Variants in SUN5 observed in about 807,000 individuals in gnomAD.
The protein encoded by SUN5 is Sad1 and UNC84 domain containing 5.
Under a neutral mutation model 53.7 loss-of-function variants are expected in SUN5, and 44 were observed. The ratio of observed to expected loss-of-function variants is 0.82; its 90% confidence interval spans 0.64 to 1.05. The LOEUF is 1.05. Among genes scored for constraint, SUN5 ranks in the 50% least tolerant of loss-of-function variants. SUN5 has a pLI of 0.00. For synonymous variants in SUN5, 166 were observed against 179.8 expected (o/e 0.92, Z 0.62); for missense variants, 433 against 483.8 (o/e 0.90, Z 0.98).
intron 9 of SUN5, among the ~76,000 whole-genome samples, chr20:32,988,792 T>C (rs1338685088): frequency 2.0e-5 from 3 of 151,990 alleles, no homozygotes; most frequent in African/African-American, 7.3e-5. Context: ...TTTTACCATG[T>C]TGGCCAGGCT....
Position 32,999,894 on chromosome 20 carries a change from C to T in SUN5, c.340+180G>A, listed in dbSNP as rs902993103. 14 of 1,544,396 alleles carry T rather than the reference C, an allele frequency of 9.1e-6. No homozygotes were observed. The African/African-American group carries it at 1.8e-4, about 20-fold the overall frequency. On this transcript the variant is annotated intron_variant, in intron 5 of 12. Coordinates refer to ENST00000356173, the MANE Select transcript of SUN5 (RefSeq NM_080675.4). The stretch of plus-strand genomic sequence containing the variant: ...GAGCTTTATAACTTCTGAAGCATTT[C>T]TTGGCTTCTACAATATTTTCATGGT...
At chr20:32,996,572 ACCT>A (rs2146334052) in intron 6 of SUN5, among the ~76,000 whole-genome samples, 1 of 151,604 alleles carries the variant, frequency 6.6e-6, no homozygotes, top group South Asian at 2.1e-4. Context: ...ATCCATCCAC[ACCT>A]TCATCCATCC....
intron 9 of SUN5, among the ~76,000 whole-genome samples, chr20:32,988,841 G>A (rs767823209): frequency 4.6e-5 from 7 of 152,052 alleles, no homozygotes; most frequent in East Asian, 3.9e-4. Flanking sequence ...CGCCTTCCTC[G>A]GCCTCCCAAA....
chr20:32,989,637 A>G lies in SUN5; in HGVS notation c.596T>C (p.Phe199Ser). 1 of 1,614,006 alleles carries G rather than the reference A, an allele frequency of 6.2e-7. No homozygotes were observed. The highest frequency in any genetic ancestry group is 8.5e-7 in the Non-Finnish European group (1 of 1,179,990). The change falls in exon 9 of 13, where the codon TTT becomes TCT. Residue 199 changes from phenylalanine to serine, a missense_variant. Phe to Ser is a radical substitution (Grantham distance 155). Transcript: ENST00000356173. Reference sequence around the variant, plus strand: ...TCACCTACCTATAGACTTCAGGGCAAAGTCTGGCTTTTCGATGTAATCTCC... The same window carrying G: ...TCACCTACCTATAGACTTCAGGGCAGAGTCTGGCTTTTCGATGTAATCTCC... ...IHGDYIEKPD[F>S]ALKSIGASID... is the part of the protein sequence containing the mutation.
At chr20:33,002,691 T>G (rs1990083287) in intron 2 of SUN5, 30 bp from the exon 3 acceptor site, 1 of 1,613,488 alleles carries the variant, frequency 6.2e-7, no homozygotes, top group Admixed American at 1.7e-5. Flanking sequence ...GTCATGTCAC[T>G]GCCAGCCTCT....
intron 9 of SUN5, among the ~76,000 whole-genome samples, chr20:32,989,172 G>T (rs112048600): frequency 2.0e-5 from 3 of 150,984 alleles, no homozygotes; most frequent in Non-Finnish European, 4.4e-5. Flanking sequence ...TGATCTGCCC[G>T]CCTTGGCCTC....
rs73907321 is a variant in SUN5, at chr20:32,983,980, A to G, written c.985-31T>C. 1.5e-3 allele frequency: 2,312 copies of G among 1,510,728 alleles called. 18 individuals carry two copies. The African/African-American group carries it at 0.021, about 14-fold the overall frequency. 93.6% of individuals were successfully genotyped at this position (1,510,728 alleles called of 1,614,324 possible). ...AGAGAATCAGTCACAGAGGCAGCTC[A>G]CCCATAGACTCCCACCCTGCCTTTC... On this transcript the variant is annotated intron_variant, in intron 12 of 12. Coordinates refer to ENST00000356173, the MANE Select transcript of SUN5 (RefSeq NM_080675.4).
chr20:32,990,990 G>T (rs1222515248), intron 8 of SUN5, among the ~76,000 whole-genome samples: 2 of 152,228 alleles, frequency 1.3e-5, no homozygotes, highest in African/African-American at 4.8e-5. Context: ...CAAACTGGAG[G>T]CTCAGAGAGG....
At chr20:32,993,406 C>T (rs1046585563) in intron 8 of SUN5, among the ~76,000 whole-genome samples, 2 of 152,188 alleles carry the variant, frequency 1.3e-5, no homozygotes, top group African/African-American at 2.4e-5. Context: ...GGCTAAGGAT[C>T]TGGGCTTAGG....
At chr20:32,991,057 C>T (rs1436835966) in intron 8 of SUN5, among the ~76,000 whole-genome samples, 1 of 152,166 alleles carries the variant, frequency 6.6e-6, no homozygotes. Flanking sequence ...CCCAACTCCT[C>T]CCCTCGTTTA....
At position 32,985,813 on chromosome 20, in the gene SUN5, G is replaced by A. The variant is rs1210556782; in HGVS notation, c.820C>T (p.Leu274Phe). The change falls in exon 11 of 13, where the codon CTC (leucine) becomes TTC (phenylalanine). Residue 274 changes from leucine (L) to phenylalanine (F), a missense_variant. Transcript: ENST00000356173. ...QLAQKVYLSN[L>F]TLQHIPKTIS... is the part of the protein sequence containing the mutation. The stretch of plus-strand genomic sequence containing the variant: ...GTCTTGGGGATGTGCTGCAGCGTGA[G>A]GTTGGACAGGTAAACCTTCTGAGCC... The A allele has an allele frequency of 1.2e-6, 2 of 1,614,170 alleles. No individual in the cohort carries two copies. Among genetic ancestry groups the A allele is most frequent in the Admixed American group, 1.7e-5 (1 of 60,020 alleles).
At chr20:32,993,004 C>T (rs922369553) in intron 8 of SUN5, among the ~76,000 whole-genome samples, 1 of 152,162 alleles carries the variant, frequency 6.6e-6, no homozygotes. Context: ...CATGAACACA[C>T]TCATACCTCA....
chr20:32,987,551 G>GGC, intron 10 of SUN5, 109 bp downstream of exon 10: 2 of 370,358 alleles, frequency 5.4e-6, no homozygotes, highest in Non-Finnish European at 7.7e-6. Flanking sequence ...CCCCGCCCCT[G>GGC]CCCCCACTCC....
At chr20:32,984,653 G>A (rs1989485184) in intron 12 of SUN5, among the ~76,000 whole-genome samples, 2 of 152,220 alleles carry the variant, frequency 1.3e-5, no homozygotes, top group Admixed American at 1.3e-4. Context: ...CAAGCCCCAG[G>A]GCCATTCCAG....
intron 3 of SUN5, among the ~76,000 whole-genome samples, chr20:33,002,306 G>A (rs1473254488): frequency 6.6e-6 from 1 of 152,122 alleles, no homozygotes; most frequent in African/African-American, 2.4e-5. Context: ...ACAGGTGGAT[G>A]GATGGGTGAA....
chr20:33,004,230 AG>A, intron 1 of SUN5, 33 bp downstream of exon 1: 1 of 1,528,596 alleles, frequency 6.5e-7, no homozygotes, highest in Non-Finnish European at 8.8e-7. Context: ...TAAACTGTAA[AG>A]GGCTGGGCAA....
intron 11 of SUN5, 107 bp downstream of exon 11, chr20:32,985,629 T>A: frequency 7.1e-7 from 1 of 1,402,140 alleles, no homozygotes; most frequent in Non-Finnish European, 9.7e-7. Flanking sequence ...ATTCAGCCCC[T>A]CCAGCCTGCA....
At chr20:32,992,421 A>G (rs552891310) in intron 8 of SUN5, among the ~76,000 whole-genome samples, 1 of 152,310 alleles carries the variant, frequency 6.6e-6, no homozygotes, top group South Asian at 2.1e-4. Flanking sequence ...GTTAAGAGGA[A>G]TCTGCATATT....
chr20:33,002,453 G>T (rs1376706908), intron 3 of SUN5, 134 bp downstream of exon 3: 3 of 812,390 alleles, frequency 3.7e-6, no homozygotes, highest in Non-Finnish European at 6.2e-6. Context: ...GAACTCCAGA[G>T]TTCAACCTGC....
Sources: allele counts gnomAD v4.1 joint callset (sites outside exome capture counted in the v4.1 genomes callset), GRCh38; gene constraint gnomAD v4.1.1; transcripts MANE v1.5; gene names NCBI Gene and HGNC (gene_info 2026-07-23, HGNC 2026-07-21).